The following MAN2A1 variants were observed in gnomAD, a reference collection of about 807,000 sequenced individuals.
MAN2A1 encodes mannosidase alpha class 2A member 1.
MAN2A1 carries 76 observed loss-of-function variants against 142.6 expected under a neutral mutation model. The ratio of observed to expected loss-of-function variants is 0.53; its 90% CI spans 0.44 to 0.65. The LOEUF is 0.65. Ranked by LOEUF, MAN2A1 falls within the 30% of genes least tolerant of loss-of-function variation. MAN2A1 has a pLI of 0.00. For missense variants in MAN2A1, 1,311 were observed against 1,365.1 expected (o/e 0.96, Z 0.62); for synonymous variants, 559 against 473.2 (o/e 1.18, Z -2.35).
In MAN2A1 at chr5:109,831,805, A is replaced by ATGTG. The variant is rs55738132; in HGVS notation, c.2566+7992_2566+7995dup. Among the ~76,000 whole-genome samples, 1,309 of 144,876 alleles carry ATGTG rather than the reference A, an allele frequency of 9.0e-3. 10 individuals carry two copies. Among genetic ancestry groups the ATGTG allele is most frequent in the African/African-American group, 0.021 (827 of 40,028 alleles). Reference sequence around the variant, plus strand: ...TCATTACTTCTCTAAAACAAAAATCATGTGTGTGTGTGTGTGTGTGTGTGT... The same window carrying ATGTG: ...TCATTACTTCTCTAAAACAAAAATCATGTGTGTGTGTGTGTGTGTGTGTGTGTGT... On this transcript the variant is annotated intron_variant, in intron 16 of 21. Transcript: ENST00000261483.
chr5:109,728,740 A>C (rs1751817540), intron 3 of MAN2A1, among the ~76,000 whole-genome samples: 1 of 152,212 alleles, frequency 6.6e-6, no homozygotes, highest in South Asian at 2.1e-4. Flanking sequence ...TGTGCTTCTA[A>C]GGAATTGAAT....
intron 4 of MAN2A1, among the ~76,000 whole-genome samples, chr5:109,753,066 A>G (rs1353217157): frequency 6.6e-6 from 1 of 152,198 alleles, no homozygotes; most frequent in Admixed American, 6.5e-5. Context: ...TCTCTATTCA[A>G]CATCAGCGAA....
At chr5:109,783,599 A>G (rs974277045) in intron 9 of MAN2A1, among the ~76,000 whole-genome samples, 8 of 152,104 alleles carry the variant, frequency 5.3e-5, no homozygotes, top group Admixed American at 1.3e-4. Context: ...CATTTTACAA[A>G]CAAAGTATTT....
At chr5:109,866,810 G>T (rs1374883274) in intron 21 of MAN2A1, 36 bp from the exon 22 acceptor site, 2 of 1,407,436 alleles carry the variant, frequency 1.4e-6, no homozygotes, top group African/African-American at 1.4e-5. Context: ...CTTCAAAGTT[G>T]ATCTAAATAT....
At chr5:109,857,336 C>T (rs1755650593) in intron 20 of MAN2A1, among the ~76,000 whole-genome samples, 1 of 152,158 alleles carries the variant, frequency 6.6e-6, no homozygotes, top group East Asian at 1.9e-4. Flanking sequence ...TGTAGGTCTA[C>T]ATTTTGGCTC....
intron 1 of MAN2A1, among the ~76,000 whole-genome samples, chr5:109,703,391 T>C (rs1751043145): frequency 6.6e-6 from 1 of 152,192 alleles, no homozygotes; most frequent in African/African-American, 2.4e-5. Flanking sequence ...TAAGACAGAT[T>C]ACCAACATAG....
At chr5:109,826,568 C>T (rs900911834) in intron 16 of MAN2A1, among the ~76,000 whole-genome samples, 5 of 152,146 alleles carry the variant, frequency 3.3e-5, no homozygotes, top group African/African-American at 1.2e-4. Context: ...AAGATAAGCC[C>T]GGTTGTGGAG....
At chr5:109,736,333 T>G (rs1752097069) in intron 4 of MAN2A1, among the ~76,000 whole-genome samples, 1 of 152,102 alleles carries the variant, frequency 6.6e-6, no homozygotes, top group African/African-American at 2.4e-5. Flanking sequence ...GATATTTGTT[T>G]TATAAAGGCA....
chr5:109,783,958 TG>T (rs1753529912), intron 9 of MAN2A1, among the ~76,000 whole-genome samples: 2 of 152,012 alleles, frequency 1.3e-5, no homozygotes, highest in African/African-American at 2.4e-5. Context: ...CTCAAACTCT[TG>T]GGCTCAAGTG....
chr5:109,743,982 A>G (rs977602384), intron 4 of MAN2A1, among the ~76,000 whole-genome samples: 1 of 152,132 alleles, frequency 6.6e-6, no homozygotes, highest in African/African-American at 2.4e-5. Context: ...CCTCAGACAC[A>G]TGCCGTTTTG....
intron 12 of MAN2A1, among the ~76,000 whole-genome samples, chr5:109,803,226 G>T (rs1754078659): frequency 6.6e-6 from 1 of 152,054 alleles, no homozygotes; most frequent in Non-Finnish European, 1.5e-5. Context: ...TAAACAGATA[G>T]ATTGCATTTA....
intron 4 of MAN2A1, among the ~76,000 whole-genome samples, chr5:109,734,253 TTTC>T (rs1420685225): frequency 2.0e-5 from 3 of 151,842 alleles, no homozygotes; most frequent in African/African-American, 4.8e-5. Context: ...TCTTCTCTCT[TTTC>T]TTCTTTATTA....
chr5:109,742,454 T>C (rs1582848402), intron 4 of MAN2A1, among the ~76,000 whole-genome samples: 1 of 152,206 alleles, frequency 6.6e-6, no homozygotes, highest in Non-Finnish European at 1.5e-5. Flanking sequence ...TTACAATTTT[T>C]CCCCTAGGTT....
At position 109,729,340 on chromosome 5, in the gene MAN2A1, AGGTT is replaced by A; in HGVS notation, c.540_543del (p.Trp180Ter). On this transcript the variant is annotated splice_acceptor_variant and coding_sequence_variant, in exon 4 of 22. Transcript: ENST00000261483. LOFTEE classifies it high-confidence loss of function. ...TTGTGGTATATTTGTGTCTTGATTTAGGTTGGTTGAAGACTTTCAATGACTACTT... is the reference window on the plus strand; with the variant it reads ...TTGTGGTATATTTGTGTCTTGATTTAGGTTGAAGACTTTCAATGACTACTT... 1 of 1,594,322 alleles carries A rather than the reference AGGTT, an allele frequency of 6.3e-7. No individual in the cohort carries two copies. The highest frequency in any genetic ancestry group is 8.5e-7 in the Non-Finnish European group (1 of 1,169,996).
Position 109,788,236 on chromosome 5 carries a change from C to A in MAN2A1, c.1761-698C>A, listed in dbSNP as rs530752469. On this transcript the variant is annotated intron_variant, in intron 10 of 21. Coordinates refer to ENST00000261483, the MANE Select transcript of MAN2A1 (RefSeq NM_002372.4). Reference sequence around the variant, plus strand: ...TGAATTAGGAAAAAAAAAAAAAAATCTTCAAGCAAGTTCTTTTTCCATGAG... The same window carrying A: ...TGAATTAGGAAAAAAAAAAAAAAATATTCAAGCAAGTTCTTTTTCCATGAG... Among the ~76,000 whole-genome samples the A allele has an allele frequency of 3.5e-5, 5 of 142,544 alleles. No homozygotes were observed. In the South Asian group the frequency reaches 8.9e-4, roughly 25 times the overall value. The allele number at this position is 142,544 out of a possible 152,430, so 93.5% of individuals were successfully genotyped here.
At chr5:109,767,493 A>G (rs1753023961) in intron 5 of MAN2A1, 42 bp from the exon 6 acceptor site, 3 of 1,530,646 alleles carry the variant, frequency 2.0e-6, no homozygotes, top group South Asian at 1.2e-5. Flanking sequence ...TTTATTTCAT[A>G]TATCAATTAA....
intron 4 of MAN2A1, among the ~76,000 whole-genome samples, chr5:109,738,943 A>C (rs534038178): frequency 3.9e-5 from 6 of 152,048 alleles, no homozygotes; most frequent in African/African-American, 1.4e-4. Flanking sequence ...TCCTGGGCTC[A>C]GGTGATCCTC....
intron 12 of MAN2A1, 31 bp downstream of exon 12, chr5:109,789,558 C>T (rs752776861): frequency 7.0e-7 from 1 of 1,436,794 alleles, no homozygotes. Flanking sequence ...AAATGTTTAC[C>T]ACTTTCTGGC....
intron 4 of MAN2A1, among the ~76,000 whole-genome samples, chr5:109,742,055 A>G (rs1350098071): frequency 6.6e-6 from 1 of 152,240 alleles, no homozygotes; most frequent in African/African-American, 2.4e-5. Flanking sequence ...TAATACATCA[A>G]AATGTGAACC....
Sources: gnomAD v4.1 joint callset for allele counts (sites outside exome capture counted in the v4.1 genomes callset) on GRCh38, gnomAD v4.1.1 for gene constraint, MANE v1.5 for transcripts, NCBI Gene and HGNC (gene_info 2026-07-23, HGNC 2026-07-21) for gene names.